ABCA8: variants seen among roughly 807,000 people sequenced by gnomAD.
ABCA8 encodes ATP binding cassette subfamily A member 8.
In ABCA8, 177 loss-of-function variants were observed where a neutral mutation model predicts 192.3. The observed-to-expected ratio is 0.92, with a 90% CI of 0.81 to 1.04. The LOEUF (loss-of-function observed/expected upper bound fraction) is 1.04, where lower values mean the gene tolerates loss of function less well. Among genes scored for constraint, ABCA8 ranks in the 50% least tolerant of loss-of-function variants. The probability of loss-of-function intolerance (pLI) is 0.00; values close to 1 mark genes in which losing one functional copy is unlikely to be tolerated. For synonymous variants in ABCA8, 642 were observed against 690.2 expected (o/e 0.93, Z 1.09); for missense variants, 1,915 against 1,904.8 (o/e 1.01, Z -0.10).
At chr17:68,872,447 G>C (rs1249647932) in intron 37 of ABCA8, among the ~76,000 whole-genome samples, 1 of 116,486 alleles carries the variant, frequency 8.6e-6, no homozygotes, top group Admixed American at 9.8e-5. Flanking sequence ...GGAGGGGGGA[G>C]GGATAGCATC....
intron 17 of ABCA8, among the ~76,000 whole-genome samples, chr17:68,913,065 T>C (rs149945564): frequency 1.3e-5 from 2 of 152,062 alleles, no homozygotes; most frequent in Non-Finnish European, 2.9e-5. Context: ...CTGACCACAA[T>C]AGAATAAAAC....
intron 1 of ABCA8, among the ~76,000 whole-genome samples, chr17:68,950,376 G>A (rs549610700): frequency 9.8e-4 from 149 of 152,132 alleles, no homozygotes; most frequent in African/African-American, 3.5e-3. Flanking sequence ...AAGAGCCCGC[G>A]TAGCCAAAAC....
At chr17:68,903,689 C>G (rs1220755081) in intron 19 of ABCA8, among the ~76,000 whole-genome samples, 190 bp from the exon 20 acceptor site, 2 of 151,842 alleles carry the variant, frequency 1.3e-5, no homozygotes, top group African/African-American at 4.8e-5. Context: ...AGAAAGGAGA[C>G]CTTAGGTAAT....
intron 12 of ABCA8, 36 bp downstream of exon 12, chr17:68,922,192 CTCTTTTTTTTTTTT>C (rs2067553746): frequency 2.1e-6 from 1 of 477,584 alleles, no homozygotes; most frequent in African/African-American, 4.2e-5. Flanking sequence ...CTTTCTCTCT[CTCTTTTTTTTTTTT>C]TTTTTTTTTT....
At chr17:68,890,379 T>G (rs1567832985) in intron 24 of ABCA8, among the ~76,000 whole-genome samples, 2 of 152,242 alleles carry the variant, frequency 1.3e-5, no homozygotes, top group African/African-American at 4.8e-5. Context: ...TTTGTCCATT[T>G]AAAAAATTAG....
chr17:68,932,076 G>A, intron 7 of ABCA8: 2 of 402,368 alleles, frequency 5.0e-6, no homozygotes, highest in Non-Finnish European at 9.2e-6. Flanking sequence ...CAGGCATGGT[G>A]GTCGGCACCT....
At chr17:68,935,996 AAAG>A (rs1321311755) in intron 5 of ABCA8, among the ~76,000 whole-genome samples, 1 of 152,154 alleles carries the variant, frequency 6.6e-6, no homozygotes, top group Non-Finnish European at 1.5e-5. Flanking sequence ...TCTTGTGAAA[AAAG>A]AAGAATTCAA....
intron 21 of ABCA8, among the ~76,000 whole-genome samples, chr17:68,900,862 A>G (rs886746111): frequency 6.6e-6 from 1 of 152,204 alleles, no homozygotes; most frequent in Non-Finnish European, 1.5e-5. Context: ...ACATCTGTTC[A>G]TAATGACAAC....
intron 19 of ABCA8, among the ~76,000 whole-genome samples, chr17:68,903,907 A>G (rs1410198165): frequency 6.6e-6 from 1 of 152,184 alleles, no homozygotes; most frequent in Non-Finnish European, 1.5e-5. Flanking sequence ...AGAGATTTCA[A>G]AACTATTCAG....
rs763795266 is a variant in ABCA8 at position 68,928,034 on chromosome 17, A to C, written c.1155T>G (p.Ser385=). ...QLLHLDYDLN[S]NAFPHPSDGS... is the part of the protein sequence containing the mutation. ...CGTCCGATGGATGAGGAAATGCATTAGAATTCAAATCATAGTCCAAGTGTA... is the reference window on the plus strand; with the variant it reads ...CGTCCGATGGATGAGGAAATGCATTCGAATTCAAATCATAGTCCAAGTGTA... The change falls in exon 10 of 40, where the codon TCT becomes TCG. Residue 385 remains serine, a synonymous_variant. Coordinates refer to ENST00000586539, the MANE Select transcript of ABCA8 (RefSeq NM_001288985.2). The C allele has an allele frequency of 1.9e-6, 3 of 1,599,440 alleles. No individual in the cohort carries two copies. In the South Asian group the frequency reaches 3.4e-5, roughly 18 times the overall value.
chr17:68,929,532 A>G (rs190836676), intron 8 of ABCA8, 29 bp downstream of exon 8: 1 of 1,600,608 alleles, frequency 6.2e-7, no homozygotes, highest in Admixed American at 1.7e-5. Context: ...CTATAGGTGG[A>G]TGGAAAGATA....
At chr17:68,905,551 A>C (rs1442862401) in intron 19 of ABCA8, among the ~76,000 whole-genome samples, 5 of 152,136 alleles carry the variant, frequency 3.3e-5, no homozygotes, top group Non-Finnish European at 5.9e-5. Context: ...ACACAAGAGA[A>C]TAAGTTATTT....
chr17:68,884,213 T>C, intron 28 of ABCA8, 118 bp downstream of exon 28: 3 of 983,426 alleles, frequency 3.1e-6, no homozygotes, highest in Non-Finnish European at 4.3e-6. Flanking sequence ...TTATATCTCC[T>C]TGGGCTATAG....
At chr17:68,884,614 G>A (rs1038671156) in intron 27 of ABCA8, 1 of 1,234,612 alleles carries the variant, frequency 8.1e-7, no homozygotes, top group South Asian at 3.3e-5. Flanking sequence ...CTAATCACCT[G>A]GCGAGAGAAT....
At position 68,933,211 on chromosome 17, in the gene ABCA8, C is replaced by A. The variant is rs1598280428; in HGVS notation, c.527G>T (p.Gly176Val). 1 of 1,613,356 alleles carries A rather than the reference C, an allele frequency of 6.2e-7. No homozygotes were observed. Among genetic ancestry groups the A allele is most frequent in the Non-Finnish European group, 8.5e-7 (1 of 1,179,620 alleles). Reference sequence around the variant, plus strand: ...AATGGCAGCTTGAAGAGCCACAAAACCTTCCTTCCAAAATACTGAAACTTC... The same window carrying A: ...AATGGCAGCTTGAAGAGCCACAAAAACTTCCTTCCAAAATACTGAAACTTC... ...YCEVSVFWKEGFVALQAAINA... is the reference protein window; with the variant it reads ...YCEVSVFWKEVFVALQAAINA... The change falls in exon 6 of 40, where the codon GGT becomes GTT. Residue 176 changes from glycine to valine, a missense_variant. By Grantham distance (109) the Gly-to-Val change is moderately radical (BLOSUM62 -3). Transcript: ENST00000586539.
chr17:68,877,900 C>T (rs1327875067), intron 32 of ABCA8: 1 of 432,528 alleles, frequency 2.3e-6, no homozygotes, highest in African/African-American at 2.0e-5. Context: ...GCTGAAAAAT[C>T]CAATATCCCA....
intron 7 of ABCA8, among the ~76,000 whole-genome samples, chr17:68,930,439 T>C (rs2067832760): frequency 6.6e-6 from 1 of 152,218 alleles, no homozygotes; most frequent in African/African-American, 2.4e-5. Flanking sequence ...TAATTCACTT[T>C]CCTTTCCTCA....
intron 2 of ABCA8, among the ~76,000 whole-genome samples, chr17:68,942,906 C>A (rs2068272589): frequency 6.6e-6 from 1 of 152,086 alleles, no homozygotes; most frequent in Admixed American, 6.6e-5. Context: ...CAGACCAACA[C>A]CTACACATAC....
chr17:68,890,344 T>C (rs1386479978), intron 24 of ABCA8, among the ~76,000 whole-genome samples: 1 of 152,196 alleles, frequency 6.6e-6, no homozygotes, highest in Non-Finnish European at 1.5e-5. Context: ...GTACATCTTC[T>C]TTGGTAAAGT....
Sources: gnomAD v4.1 joint callset for allele counts (sites outside exome capture counted in the v4.1 genomes callset) on GRCh38, gnomAD v4.1.1 for gene constraint, MANE v1.5 for transcripts, NCBI Gene and HGNC (gene_info 2026-07-23, HGNC 2026-07-21) for gene names.